The following KSR2 variants were observed in gnomAD, a reference collection of about 807,000 sequenced individuals.
The protein encoded by KSR2 is kinase suppressor of ras 2.
Under a neutral mutation model 107.8 loss-of-function variants are expected in KSR2, and 25 were observed. The observed-to-expected ratio is 0.23, with a 90% CI of 0.17 to 0.32. The LOEUF (loss-of-function observed/expected upper bound fraction) is 0.32, where lower values mean the gene tolerates loss of function less well. Among genes scored for constraint, KSR2 ranks in the 10% least tolerant of loss-of-function variants. KSR2 has a pLI of 1.00. For missense variants in KSR2, 887 were observed against 1,268.9 expected (o/e 0.70, Z 4.57); for synonymous variants, 480 against 507.0 (o/e 0.95, Z 0.71).
chr12:117,549,100 C>T (rs950570601), intron 9 of KSR2, among the ~76,000 whole-genome samples: 17 of 152,218 alleles, frequency 1.1e-4, no homozygotes, highest in African/African-American at 3.1e-4. Flanking sequence ...TCTGATCCAA[C>T]ATTAGTAGAA....
At chr12:117,771,136 G>T (rs1889438277) in intron 3 of KSR2, among the ~76,000 whole-genome samples, 1 of 152,134 alleles carries the variant, frequency 6.6e-6, no homozygotes, top group Non-Finnish European at 1.5e-5. Flanking sequence ...AATCTTGGAA[G>T]ACCCAAAGTC....
At chr12:117,605,568 C>A (rs1320996062) in intron 5 of KSR2, among the ~76,000 whole-genome samples, 1 of 152,058 alleles carries the variant, frequency 6.6e-6, no homozygotes, top group African/African-American at 2.4e-5. Context: ...CCTGACAGGC[C>A]CCAGTATGTG....
At position 117,766,105 on chromosome 12, in the gene KSR2, C is replaced by T. The variant is rs78293458; in HGVS notation, c.473-4581G>A. Among the ~76,000 whole-genome samples the T allele has an allele frequency of 4.5e-3, 688 of 152,328 alleles. 7 individuals are homozygous for T. Among genetic ancestry groups the T allele is most frequent in the African/African-American group, 0.016 (651 of 41,574 alleles). ...GGACTGAAATACTTGTAGACAAATA[C>T]TCATAGCAGCACTATTCACAATTGC... On this transcript the variant is annotated intron_variant, in intron 3 of 19. Coordinates refer to ENST00000339824, the MANE Select transcript of KSR2 (RefSeq NM_173598.6).
chr12:117,859,461 ATT>A (rs35142684), intron 2 of KSR2, among the ~76,000 whole-genome samples: 28 of 130,650 alleles, frequency 2.1e-4, no homozygotes, highest in East Asian at 4.5e-4. Flanking sequence ...TTTTTTATTT[ATT>A]TTTTTTTTTT....
chr12:117,587,355 G>A (rs1211935592), intron 5 of KSR2, among the ~76,000 whole-genome samples: 1 of 152,132 alleles, frequency 6.6e-6, no homozygotes, highest in Non-Finnish European at 1.5e-5. Flanking sequence ...TCAGAGAAGT[G>A]GACATGACAA....
chr12:117,797,620 G>A (rs1049514730), intron 3 of KSR2, among the ~76,000 whole-genome samples: 5 of 128,744 alleles, frequency 3.9e-5, no homozygotes, highest in Non-Finnish European at 7.0e-5. Flanking sequence ...ACTTTAAAAC[G>A]ATTAATTTTA....
chr12:117,761,595 C>T (rs1889026533), intron 3 of KSR2, 71 bp from the exon 4 acceptor site: 1 of 1,420,346 alleles, frequency 7.0e-7, no homozygotes, highest in South Asian at 1.2e-5. Flanking sequence ...ACCATACACA[C>T]CATTACATCA....
chr12:117,921,398 T>G (rs959081551), intron 1 of KSR2, among the ~76,000 whole-genome samples: 8 of 152,130 alleles, frequency 5.3e-5, no homozygotes, highest in Admixed American at 3.3e-4. Flanking sequence ...CAGTGAGATC[T>G]TATTATAGAG....
chr12:117,965,557 G>A, intron 1 of KSR2, among the ~76,000 whole-genome samples: 1 of 152,152 alleles, frequency 6.6e-6, no homozygotes, highest in East Asian at 1.9e-4. Context: ...ATGCTATTAA[G>A]TGCTGTTCAT....
chr12:117,896,391 A>G (rs1379770602), intron 1 of KSR2, among the ~76,000 whole-genome samples: 1 of 151,988 alleles, frequency 6.6e-6, no homozygotes, highest in African/African-American at 2.4e-5. Flanking sequence ...CTAGGGAATG[A>G]CTGCTAATGT....
intron 1 of KSR2, among the ~76,000 whole-genome samples, chr12:117,883,484 G>C (rs1405569620): frequency 2.0e-5 from 3 of 152,098 alleles, no homozygotes; most frequent in Non-Finnish European, 4.4e-5. Flanking sequence ...ACTTCTATTT[G>C]ATAAGTGCTA....
chr12:117,657,570 G>T (rs1157937563), intron 5 of KSR2, among the ~76,000 whole-genome samples: 1 of 152,144 alleles, frequency 6.6e-6, no homozygotes, highest in Non-Finnish European at 1.5e-5. Context: ...TTGGACACTT[G>T]CTTCCCTAGT....
chr12:117,719,705 T>C (rs1222339244), intron 4 of KSR2, among the ~76,000 whole-genome samples: 1 of 152,210 alleles, frequency 6.6e-6, no homozygotes, highest in African/African-American at 2.4e-5. Flanking sequence ...CAGGCCCTAT[T>C]AGGTATCAGA....
At chr12:117,834,789 A>C (rs574933502) in intron 3 of KSR2, among the ~76,000 whole-genome samples, 28 of 152,334 alleles carry the variant, frequency 1.8e-4, no homozygotes, top group Middle Eastern at 3.4e-3. Context: ...CTGAGACCCA[A>C]ATAATGAAAA....
intron 7 of KSR2, among the ~76,000 whole-genome samples, chr12:117,569,477 T>C (rs897734286): frequency 2.0e-5 from 3 of 152,226 alleles, no homozygotes; most frequent in African/African-American, 4.8e-5. Context: ...TGAAATACAC[T>C]GGAAATCTTG....
At chr12:117,470,037 A>G (rs1871344975) in intron 18 of KSR2, among the ~76,000 whole-genome samples, 2 of 151,720 alleles carry the variant, frequency 1.3e-5, no homozygotes, top group Admixed American at 1.3e-4. Context: ...GTATCTACAC[A>G]TCTACCCATC....
intron 3 of KSR2, among the ~76,000 whole-genome samples, chr12:117,848,688 AG>A (rs1892785439): frequency 6.7e-6 from 1 of 148,778 alleles, no homozygotes; most frequent in South Asian, 2.1e-4. Context: ...AAAAGAGAGG[AG>A]GATGAGGAGA....
At chr12:117,735,298 C>G (rs1233979453) in intron 4 of KSR2, among the ~76,000 whole-genome samples, 1 of 152,214 alleles carries the variant, frequency 6.6e-6, no homozygotes, top group Non-Finnish European at 1.5e-5. Flanking sequence ...ACACCACCCT[C>G]TAGAGTGAAT....
intron 7 of KSR2, 73 bp from the exon 8 acceptor site, chr12:117,558,646 AATGGATGGATGGGTGGATGG>A: frequency 1.8e-6 from 2 of 1,090,978 alleles, no homozygotes; most frequent in Non-Finnish European, 2.8e-6. Flanking sequence ...TGGGTGGATG[AATGGATGGATGGGTGGATGG>A]GTGGATGAAT....
Sources: gnomAD v4.1 joint callset for allele counts (sites outside exome capture counted in the v4.1 genomes callset) on GRCh38, gnomAD v4.1.1 for gene constraint, MANE v1.5 for transcripts, NCBI Gene and HGNC (gene_info 2026-07-23, HGNC 2026-07-21) for gene names.